PPP4R4: variants seen among roughly 807,000 people sequenced by gnomAD.
The protein encoded by PPP4R4 is protein phosphatase 4 regulatory subunit 4.
Under a neutral mutation model 121.8 loss-of-function variants are expected in PPP4R4, and 70 were observed. That is an observed-to-expected ratio of 0.57 (90% CI 0.47 to 0.70). The LOEUF is 0.70. Among genes scored for constraint, PPP4R4 ranks in the 30% least tolerant of loss-of-function variants. PPP4R4 has a pLI of 0.00. For synonymous variants in PPP4R4, 348 were observed against 355.7 expected (o/e 0.98, Z 0.24); for missense variants, 875 against 1,033.6 (o/e 0.85, Z 2.10).
intron 13 of PPP4R4, 142 bp from the exon 14 acceptor site, chr14:94,246,215 A>T (rs765269134): frequency 7.1e-5 from 45 of 632,860 alleles, no homozygotes; most frequent in Non-Finnish European, 1.1e-4. Context: ...CCAGATAATT[A>T]TCTCCTTGTG....
chr14:94,239,196 C>CTT (rs370068876), intron 8 of PPP4R4, among the ~76,000 whole-genome samples: 112 of 145,376 alleles, frequency 7.7e-4, no homozygotes, highest in African/African-American at 2.6e-3. Context: ...CCTTCTGCTT[C>CTT]TTTTTTTTTT....
At chr14:94,205,707 A>T (rs1308976437) in intron 2 of PPP4R4, among the ~76,000 whole-genome samples, 3 of 151,690 alleles carry the variant, frequency 2.0e-5, no homozygotes, top group African/African-American at 7.2e-5. Context: ...AGTTCAGTGT[A>T]TTTTTTGATT....
chr14:94,229,300 A>G (rs1451115729), intron 3 of PPP4R4, among the ~76,000 whole-genome samples: 1 of 152,080 alleles, frequency 6.6e-6, no homozygotes, highest in Non-Finnish European at 1.5e-5. Flanking sequence ...TTTGTTTTGA[A>G]GGTAGACCCT....
intron 19 of PPP4R4, among the ~76,000 whole-genome samples, chr14:94,264,078 G>C (rs776416918): frequency 6.6e-6 from 1 of 152,132 alleles, no homozygotes; most frequent in Non-Finnish European, 1.5e-5. Flanking sequence ...TTATACAAGT[G>C]CGTCTATTTT....
At chr14:94,273,510 ACT>A (rs1894458174) in intron 23 of PPP4R4, among the ~76,000 whole-genome samples, 1 of 152,090 alleles carries the variant, frequency 6.6e-6, no homozygotes, top group African/African-American at 2.4e-5. Flanking sequence ...CAGTGAAAAC[ACT>A]CTGTATGATA....
intron 23 of PPP4R4, among the ~76,000 whole-genome samples, chr14:94,272,721 G>T (rs1396683091): frequency 6.6e-6 from 1 of 152,136 alleles, no homozygotes; most frequent in Non-Finnish European, 1.5e-5. Context: ...GCCACTGACT[G>T]GGAGAAAATG....
intron 15 of PPP4R4, 44 bp downstream of exon 15, chr14:94,250,321 A>C (rs755838310): frequency 7.4e-7 from 1 of 1,357,618 alleles, no homozygotes; most frequent in Non-Finnish European, 1.0e-6. Flanking sequence ...AAAGTAAACA[A>C]ACTAGTTGGC....
intron 3 of PPP4R4, among the ~76,000 whole-genome samples, chr14:94,221,690 A>G (rs1891401401): frequency 6.6e-6 from 1 of 152,076 alleles, no homozygotes; most frequent in Admixed American, 6.5e-5. Context: ...AAACAAAAAA[A>G]CAGCAATTGA....
At position 94,216,453 on chromosome 14, in the gene PPP4R4, C is replaced by T. The variant is rs1385121334; in HGVS notation, c.294+7887C>T. Among the ~76,000 whole-genome samples the T allele has an allele frequency of 2.6e-5, 4 of 152,204 alleles. No homozygotes were observed. In the South Asian group the frequency reaches 6.2e-4, roughly 24 times the overall value. On this transcript the variant is annotated intron_variant, in intron 3 of 24. Transcript: ENST00000304338. ...CATTTTTAAAGGGTGAATGTGCACT[C>T]GCACAGTTTATGTGTTTAGGATAAC...
Position 94,278,671 on chromosome 14 carries a change from C to A in PPP4R4, c.*28C>A. 2 of 1,545,908 alleles carry A rather than the reference C, an allele frequency of 1.3e-6. No individual in the cohort carries two copies. The highest frequency in any genetic ancestry group is 1.8e-6 in the Non-Finnish European group (2 of 1,141,298). ...CAACTGCTTGATGAAGGAGGCAAAA[C>A]AAAGGCAGCAGGAGATAATGTGATT... On this transcript the variant is annotated 3_prime_UTR_variant, in exon 25 of 25. Transcript: ENST00000304338.
At position 94,230,719 on chromosome 14, in the gene PPP4R4, G is replaced by C; in HGVS notation, c.427G>C (p.Glu143Gln). 1.2e-6 allele frequency: 2 copies of C among 1,613,366 alleles called. No homozygotes were observed. The highest frequency in any genetic ancestry group is 1.7e-6 in the Non-Finnish European group (2 of 1,179,540). The change falls in exon 4 of 25, where the codon GAG becomes CAG. Residue 143 changes from glutamate to glutamine, a missense_variant. Transcript: ENST00000304338. Reference protein sequence around the residue: ...SFLQVILLHLEHRDTGVSNAW... With the variant: ...SFLQVILLHLQHRDTGVSNAW... Reference sequence around the variant, plus strand: ...CCTCCAAGTCATTCTCCTGCATCTGGAGCACAGGGACACAGGTCAGGGGCC... The same window carrying C: ...CCTCCAAGTCATTCTCCTGCATCTGCAGCACAGGGACACAGGTCAGGGGCC...
chr14:94,250,984 A>C (rs1467348340), intron 15 of PPP4R4, among the ~76,000 whole-genome samples: 2 of 151,976 alleles, frequency 1.3e-5, no homozygotes, highest in African/African-American at 4.8e-5. Flanking sequence ...CTTTTCAAAA[A>C]ATTAGAGTAC....
chr14:94,256,961 A>G (rs1174664046), intron 17 of PPP4R4, among the ~76,000 whole-genome samples: 4 of 152,166 alleles, frequency 2.6e-5, no homozygotes, highest in Non-Finnish European at 5.9e-5. Context: ...TGGCAAAGTC[A>G]CATTTTATAG....
intron 4 of PPP4R4, 57 bp from the exon 5 acceptor site, chr14:94,231,185 T>C (rs1204271434): frequency 2.2e-6 from 3 of 1,382,364 alleles, no homozygotes; most frequent in Non-Finnish European, 3.1e-6. Flanking sequence ...ATGGCTGAGT[T>C]GAAACTGAAT....
intron 23 of PPP4R4, among the ~76,000 whole-genome samples, chr14:94,270,988 A>G (rs925107587): frequency 2.0e-5 from 3 of 152,094 alleles, no homozygotes; most frequent in Admixed American, 6.6e-5. Context: ...GAAATAGACA[A>G]TCTGAATAGG....
intron 10 of PPP4R4, 108 bp from the exon 11 acceptor site, chr14:94,242,181 A>T: frequency 7.4e-7 from 1 of 1,354,762 alleles, no homozygotes; most frequent in Non-Finnish European, 1.0e-6. Flanking sequence ...TAGTTAAATT[A>T]CAATTCAGAG....
intron 3 of PPP4R4, among the ~76,000 whole-genome samples, chr14:94,215,728 G>T (rs1379329204): frequency 6.6e-6 from 1 of 152,136 alleles, no homozygotes; most frequent in African/African-American, 2.4e-5. Context: ...TGAACAGATT[G>T]ATACAAACTG....
chr14:94,251,634 G>A, intron 15 of PPP4R4, 115 bp from the exon 16 acceptor site: 1 of 774,278 alleles, frequency 1.3e-6, no homozygotes, highest in Non-Finnish European at 2.0e-6. Context: ...TCTTGTATTT[G>A]CTAGCCAAAT....
At chr14:94,228,189 C>T (rs1432075452) in intron 3 of PPP4R4, among the ~76,000 whole-genome samples, 1 of 152,176 alleles carries the variant, frequency 6.6e-6, no homozygotes, top group African/African-American at 2.4e-5. Context: ...ACATTTGCCA[C>T]AGGAAATGCC....
Sources: gnomAD v4.1 joint callset for allele counts (sites outside exome capture counted in the v4.1 genomes callset) on GRCh38, gnomAD v4.1.1 for gene constraint, MANE v1.5 for transcripts, NCBI Gene and HGNC (gene_info 2026-07-23, HGNC 2026-07-21) for gene names.